BANF2: variants seen among roughly 807,000 people sequenced by gnomAD.
BANF2 encodes barrier-to-autointegration factor-like protein.
In BANF2, 4 loss-of-function variants were observed where a neutral mutation model predicts 8.0. The ratio of observed to expected loss-of-function variants is 0.50; its 90% CI spans 0.25 to 1.14. The LOEUF (loss-of-function observed/expected upper bound fraction) is 1.14. Ranked by LOEUF, BANF2 falls within the 50% of genes most tolerant of loss-of-function variation. BANF2 has a pLI of 0.16. For synonymous variants in BANF2, 50 were observed against 40.6 expected (o/e 1.23, Z -0.88); for missense variants, 96 against 107.5 (o/e 0.89, Z 0.47).
intron 1 of BANF2, among the ~76,000 whole-genome samples, chr20:17,702,230 T>G (rs141732734): frequency 2.6e-5 from 4 of 152,240 alleles, no homozygotes; most frequent in African/African-American, 9.6e-5. Flanking sequence ...CTGCCATCGA[T>G]GTGCCAAGTT....
At chr20:17,696,404 A>G (rs113870730), upstream of BANF2, among the ~76,000 whole-genome samples, 539 of 152,322 alleles carry the variant, frequency 3.5e-3, 4 homozygotes, top group African/African-American at 0.012. Flanking sequence ...ACTACCAGAC[A>G]ATTTTCCAAA....
upstream of BANF2, among the ~76,000 whole-genome samples, chr20:17,696,487 T>C (rs2037346964): frequency 6.6e-6 from 1 of 152,248 alleles, no homozygotes; most frequent in South Asian, 2.1e-4. Flanking sequence ...GTATTGTTGC[T>C]CTTTTTAATA....
In BANF2 at chr20:17,735,673, C is replaced by T; in HGVS notation, c.135C>T (p.Ile45=). 4 of 1,613,882 alleles carry T rather than the reference C, an allele frequency of 2.5e-6. No individual in the cohort carries two copies. The highest frequency in any genetic ancestry group is 3.4e-6 in the Non-Finnish European group (4 of 1,179,798). ...LVTKGINKAY[I]LLGQFLLMHK... ...TCTCATCCCCTCCCCAGGCCTACAT[C>T]CTGCTGGGACAATTCCTTCTGATGC... The change falls in exon 4 of 4, where the codon ATC becomes ATT. Residue 45 remains isoleucine (I), a synonymous_variant. Coordinates refer to ENST00000246090, the MANE Select transcript of BANF2 (RefSeq NM_178477.5).
At chr20:17,726,406 C>T (rs182947895) in intron 3 of BANF2, among the ~76,000 whole-genome samples, 45 of 152,148 alleles carry the variant, frequency 3.0e-4, no homozygotes, top group Non-Finnish European at 2.1e-4. Context: ...AGGATGGTCT[C>T]GAACTCCTGG....
At chr20:17,722,034 G>T (rs1177295789) in intron 1 of BANF2, among the ~76,000 whole-genome samples, 1 of 152,200 alleles carries the variant, frequency 6.6e-6, no homozygotes, top group Non-Finnish European at 1.5e-5. Context: ...AGTGTCTCTG[G>T]ACATTACCAG....
chr20:17,735,713 G>A lies in BANF2; in HGVS notation c.175G>A (p.Glu59Lys), dbSNP rs200796137. 8 of 1,613,830 alleles carry A rather than the reference G, an allele frequency of 5.0e-6. No individual in the cohort carries two copies. The highest frequency in any genetic ancestry group is 4.0e-5 in the African/African-American group (3 of 75,028). The change falls in exon 4 of 4, where the codon GAG (glutamate) becomes AAG (lysine). Residue 59 changes from glutamate (E) to lysine (K), a missense_variant. By Grantham distance (56) the Glu-to-Lys change is moderately conservative. Coordinates refer to ENST00000246090, the MANE Select transcript of BANF2 (RefSeq NM_178477.5). ...CCTTCTGATGCACAAGAATGAAGCCGAGTTTCAGAGGTGGCTCATTTGCTG... is the reference window on the plus strand; with the variant it reads ...CCTTCTGATGCACAAGAATGAAGCCAAGTTTCAGAGGTGGCTCATTTGCTG... The part of the protein sequence containing the change: ...QFLLMHKNEA[E>K]FQRWLICCFG...
At chr20:17,704,892 G>A (rs1200723547) in intron 1 of BANF2, among the ~76,000 whole-genome samples, 1 of 152,182 alleles carries the variant, frequency 6.6e-6, no homozygotes, top group Admixed American at 6.5e-5. Context: ...AGTGGAAGGA[G>A]AGACGAACAC....
intron 1 of BANF2, among the ~76,000 whole-genome samples, chr20:17,714,672 A>C (rs370016341): frequency 6.7e-6 from 1 of 150,312 alleles, no homozygotes; most frequent in Admixed American, 6.7e-5. Flanking sequence ...TAGGGAATTC[A>C]AAATTTTTTT....
rs887200278 is a variant in BANF2, at chr20:17,729,492, T to C, written c.126+4341T>C. 2.0e-5 allele frequency among the ~76,000 whole-genome samples: 3 copies of C among 152,194 alleles called. No homozygotes were observed. In the South Asian group the frequency reaches 6.2e-4, roughly 32 times the overall value. On this transcript the variant is annotated intron_variant, in intron 3 of 3. Transcript: ENST00000246090. ...TGGCTCACGCCTGTAATCCCAGCAC[T>C]TTGGGAGGCCAGGTCAGGCAGATCA... is the stretch of plus-strand genomic sequence containing the variant.
chr20:17,693,758 G>A (rs980588404), intron 1 of BANF2: 1 of 1,545,510 alleles, frequency 6.5e-7, no homozygotes, highest in Non-Finnish European at 8.8e-7. Context: ...GAGACGGCGG[G>A]GAAAGGAGGC....
At chr20:17,704,452 T>G (rs1229970454) in intron 1 of BANF2, among the ~76,000 whole-genome samples, 1 of 152,170 alleles carries the variant, frequency 6.6e-6, no homozygotes, top group African/African-American at 2.4e-5. Flanking sequence ...TATGCTTAGG[T>G]TTGACATTGC....
intron 1 of BANF2, among the ~76,000 whole-genome samples, chr20:17,701,341 G>A (rs779530089): frequency 1.3e-5 from 2 of 152,150 alleles, no homozygotes; most frequent in Admixed American, 6.5e-5. Context: ...TCTTAATTCC[G>A]ACCTCTGTGA....
At chr20:17,712,538 C>G (rs886575209) in intron 1 of BANF2, 5 of 983,946 alleles carry the variant, frequency 5.1e-6, no homozygotes, top group Non-Finnish European at 6.0e-6. Flanking sequence ...GATGTTTGTT[C>G]AGGTAGGGAA....
rs570872335 is a variant in BANF2 at position 17,713,979 on chromosome 20, G to A, written c.-166-8737G>A. On this transcript the variant is annotated intron_variant, in intron 1 of 3. Coordinates refer to ENST00000246090, the MANE Select transcript of BANF2 (RefSeq NM_178477.5). ...CCAACACTTTGGGAGGTCGAGGCAG[G>A]CAGATCACCTGCGGTCAGGAGTTCA... Among the ~76,000 whole-genome samples, 206 of 152,196 alleles carry A rather than the reference G, an allele frequency of 1.4e-3. 1 individual carries two copies. Among genetic ancestry groups the A allele is most frequent in the African/African-American group, 4.3e-3 (180 of 41,536 alleles).
intron 3 of BANF2, among the ~76,000 whole-genome samples, chr20:17,729,175 A>T (rs890879279): frequency 1.3e-5 from 2 of 152,188 alleles, no homozygotes; most frequent in Non-Finnish European, 2.9e-5. Context: ...GCACATGCCA[A>T]TGAGGCTCGC....
At chr20:17,717,631 T>A (rs1357901986) in intron 1 of BANF2, among the ~76,000 whole-genome samples, 1 of 152,206 alleles carries the variant, frequency 6.6e-6, no homozygotes, top group African/African-American at 2.4e-5. Context: ...AAATTCTTTT[T>A]ATCATAAAGG....
In BANF2 at chr20:17,722,843, A is replaced by G. The variant is rs1600224624; in HGVS notation, c.-39A>G. On this transcript the variant is annotated 5_prime_UTR_variant, in exon 2 of 4. Transcript: ENST00000246090. ...ATGTTACAAAACGTCCTTCAGAGCA[A>G]GAAGGCGTACACGAGGAGCTCGACT... The G allele has an allele frequency of 5.1e-6, 5 of 985,402 alleles. No individual in the cohort carries two copies. Among genetic ancestry groups the G allele is most frequent in the East Asian group, 1.1e-4 (1 of 8,820 alleles). The allele number at this position is 985,402 out of a possible 1,614,324, so 61.0% of individuals were successfully genotyped here. A position where few individuals can be genotyped will look rare whatever the true frequency, so the allele number is the denominator to read the frequency against.
At chr20:17,735,558 C>G in intron 3 of BANF2, 107 bp from the exon 4 acceptor site, 2 of 1,332,858 alleles carry the variant, frequency 1.5e-6, no homozygotes, top group Admixed American at 3.6e-5. Flanking sequence ...CCCTGCTCCC[C>G]CTCCTTTGAT....
intron 1 of BANF2, among the ~76,000 whole-genome samples, chr20:17,693,972 T>C (rs1170102361): frequency 2.0e-5 from 3 of 152,362 alleles, no homozygotes; most frequent in Admixed American, 2.0e-4. Context: ...CTTGGACGGA[T>C]TCCTTCAGCC....
Sources: allele counts gnomAD v4.1 joint callset (sites outside exome capture counted in the v4.1 genomes callset), GRCh38; gene constraint gnomAD v4.1.1; transcripts MANE v1.5; gene names NCBI Gene and HGNC (gene_info 2026-07-23, HGNC 2026-07-21).